HIVEP1: variants seen among roughly 807,000 people sequenced by gnomAD.
HIVEP1 encodes zinc finger protein 40.
In HIVEP1, 36 loss-of-function variants were observed where a neutral mutation model predicts 180.0. That is an observed-to-expected ratio of 0.20 (90% CI 0.15 to 0.26). The LOEUF is 0.26. Among genes scored for constraint, HIVEP1 ranks in the 10% least tolerant of loss-of-function variants. The probability of loss-of-function intolerance (pLI) is 1.00; values close to 1 mark genes in which losing one functional copy is unlikely to be tolerated. For missense variants in HIVEP1, 3,143 were observed against 3,268.7 expected, an observed-to-expected ratio of 0.96 and a Z score of 0.94; for synonymous variants, 1,239 against 1,239.0, an observed-to-expected ratio of 1.00 and a Z score of 0.00.
chr6:12,208,340 C>A, the HIVEP1 span, among the ~76,000 whole-genome samples: 1 of 152,252 alleles, frequency 6.6e-6, no homozygotes, highest in Non-Finnish European at 1.5e-5. Flanking sequence ...ACCCTTGCAA[C>A]CTTGATGACA....
intron 2 of HIVEP1, among the ~76,000 whole-genome samples, chr6:12,067,322 A>C (rs13212720): frequency 0.15 from 23,226 of 152,168 alleles, 2,334 homozygotes; most frequent in Non-Finnish European, 0.23. Flanking sequence ...TAGCATGGAA[A>C]ATTAATAATT....
intron 7 of HIVEP1, among the ~76,000 whole-genome samples, chr6:12,136,214 CT>C (rs1435951378): frequency 1.3e-5 from 2 of 152,104 alleles, no homozygotes; most frequent in African/African-American, 4.8e-5. Context: ...TTGTAATCTG[CT>C]GATTACCTAC....
rs774113730 is a variant in HIVEP1 at position 12,121,508 on chromosome 6, C to T, written c.1713C>T (p.Ser571=). 6.2e-6 allele frequency: 10 copies of T among 1,614,000 alleles called. No homozygotes were observed. The highest frequency in any genetic ancestry group is 1.3e-5 in the African/African-American group (1 of 74,904). The change falls in exon 4 of 9, where the codon TCC becomes TCT. Residue 571 remains serine, a synonymous_variant. Coordinates refer to ENST00000379388, the MANE Select transcript of HIVEP1 (RefSeq NM_002114.4). This position sits in a 1 kb window ranked among gnomAD's most constrained non-coding sequence, Gnocchi z 5.3. The stretch of plus-strand genomic sequence containing the variant: ...TTGTGGTCCACCATGTCACTGTGTC[C>T]CCCTTAAGAACTGACAGTCCAAAGG... ...PKVVVHHVTV[S]PLRTDSPKAM...
At chr6:12,082,848 A>G (rs1238205768) in intron 2 of HIVEP1, among the ~76,000 whole-genome samples, 1 of 151,784 alleles carries the variant, frequency 6.6e-6, no homozygotes, top group East Asian at 1.9e-4. Flanking sequence ...ATACATGCTG[A>G]GCCAAATGGA....
intron 2 of HIVEP1, among the ~76,000 whole-genome samples, chr6:12,051,031 TG>T (rs1770503677): frequency 7.3e-6 from 1 of 136,300 alleles, no homozygotes; most frequent in African/African-American, 3.1e-5. Context: ...TATATATATA[TG>T]TATATTAAAA....
At chr6:12,042,328 G>A (rs951277770) in intron 2 of HIVEP1, among the ~76,000 whole-genome samples, 5 of 148,156 alleles carry the variant, frequency 3.4e-5, no homozygotes, top group African/African-American at 7.4e-5. Context: ...TGATCCACCC[G>A]CCTCGGCCTC....
chr6:12,104,916 G>A (rs913564969), intron 3 of HIVEP1, among the ~76,000 whole-genome samples: 4 of 152,000 alleles, frequency 2.6e-5, no homozygotes, highest in Middle Eastern at 3.2e-3. Flanking sequence ...TAAAGTCTTT[G>A]TGTATTCATT....
At chr6:12,034,807 G>C (rs1462347190) in intron 2 of HIVEP1, among the ~76,000 whole-genome samples, 2 of 152,196 alleles carry the variant, frequency 1.3e-5, no homozygotes, top group African/African-American at 4.8e-5. Flanking sequence ...CTTGGGTAAG[G>C]AGAGTAACCT....
At chr6:12,028,516 T>G (rs558075152) in intron 2 of HIVEP1, among the ~76,000 whole-genome samples, 1 of 152,370 alleles carries the variant, frequency 6.6e-6, no homozygotes, top group Admixed American at 6.5e-5. Context: ...CTATCATGTT[T>G]TGATGGAATT....
chr6:12,021,559 A>G (rs1202888248), intron 2 of HIVEP1, among the ~76,000 whole-genome samples: 1 of 152,158 alleles, frequency 6.6e-6, no homozygotes, highest in Non-Finnish European at 1.5e-5. Context: ...TACTTACAAT[A>G]TTACATCATG....
At chr6:12,093,363 C>G (rs1266868074) in intron 3 of HIVEP1, among the ~76,000 whole-genome samples, 2 of 151,358 alleles carry the variant, frequency 1.3e-5, no homozygotes, top group Admixed American at 6.6e-5. Context: ...AATAGAAGCT[C>G]TTGATTTTAA....
At chr6:12,020,274 C>T (rs1768097396) in intron 2 of HIVEP1, 1 of 467,800 alleles carries the variant, frequency 2.1e-6, no homozygotes, top group Non-Finnish European at 4.5e-6. Flanking sequence ...CGTTTTGACA[C>T]CGACCTATCC....
chr6:12,156,832 C>T (rs1056353687), intron 7 of HIVEP1, among the ~76,000 whole-genome samples: 1 of 152,268 alleles, frequency 6.6e-6, no homozygotes, highest in South Asian at 2.1e-4. Context: ...TTGAGTGGAA[C>T]ATTTCTATAA....
At chr6:12,143,938 C>T (rs219946) in intron 7 of HIVEP1, among the ~76,000 whole-genome samples, 132,682 of 152,232 alleles carry the variant, frequency 0.87, 57,997 homozygotes, top group Non-Finnish European at 0.89. Context: ...GAAGAATCAA[C>T]AACGTGAAAA....
the HIVEP1 span, among the ~76,000 whole-genome samples, chr6:12,172,901 C>T: frequency 6.0e-5 from 9 of 151,258 alleles, no homozygotes; most frequent in Non-Finnish European, 1.5e-5. Flanking sequence ...CATAAAACAT[C>T]CCATTTAAAT....
At chr6:12,168,328 T>C (rs367901843), downstream of HIVEP1, among the ~76,000 whole-genome samples, 10 of 28,638 alleles carry the variant, frequency 3.5e-4, no homozygotes, top group Admixed American at 6.6e-4. Context: ...ACATATATAT[T>C]ATATAATTAT....
intron 2 of HIVEP1, among the ~76,000 whole-genome samples, chr6:12,018,012 A>C (rs1013677714): frequency 6.6e-6 from 1 of 152,218 alleles, no homozygotes; most frequent in Non-Finnish European, 1.5e-5. Flanking sequence ...GCAGGAGCCC[A>C]TGGCGTGGGG....
At chr6:12,074,619 A>AGTGTGTGTGTGT (rs113951055) in intron 2 of HIVEP1, among the ~76,000 whole-genome samples, 13 of 138,768 alleles carry the variant, frequency 9.4e-5, no homozygotes, top group African/African-American at 1.3e-4. Flanking sequence ...TGTATGAAAA[A>AGTGTGTGTGTGT]GTGTGTGTGT....
At chr6:12,061,092 G>T (rs557915428) in intron 2 of HIVEP1, among the ~76,000 whole-genome samples, 1 of 152,200 alleles carries the variant, frequency 6.6e-6, no homozygotes, top group South Asian at 2.1e-4. Context: ...TAATGGGGAT[G>T]GCCGACCTGT....
Sources: gnomAD v4.1 joint callset for allele counts (sites outside exome capture counted in the v4.1 genomes callset) on GRCh38, gnomAD v4.1.1 for gene constraint, Gnocchi (gnomAD v3.1) non-coding constraint, MANE v1.5 for transcripts, NCBI Gene and HGNC (gene_info 2026-07-23, HGNC 2026-07-21) for gene names.